S100A8: variants seen among roughly 807,000 people sequenced by gnomAD.
The protein encoded by S100A8 is S100 calcium binding protein A8.
In S100A8, 1 loss-of-function variant was observed where a neutral mutation model predicts 4.2. The ratio of observed to expected loss-of-function variants is 0.24; its 90% CI spans 0.08 to 1.12. The LOEUF (loss-of-function observed/expected upper bound fraction) is 1.12, where lower values mean the gene tolerates loss of function less well. Among genes scored for constraint, S100A8 ranks in the 50% most tolerant of loss-of-function variants. S100A8 has a pLI of 0.53. For synonymous variants in S100A8, 41 were observed against 44.7 expected, an observed-to-expected ratio of 0.92 and a Z score of 0.33; for missense variants, 96 against 111.8, an observed-to-expected ratio of 0.86 and a Z score of 0.64.
chr1:153,394,305 C>T (rs1383017802), upstream of S100A8, among the ~76,000 whole-genome samples: 2 of 152,142 alleles, frequency 1.3e-5, no homozygotes, highest in East Asian at 1.9e-4. Context: ...GCCCCTGCTT[C>T]GTACTCAATG....
At chr1:153,400,608 G>A in the S100A8 span, among the ~76,000 whole-genome samples, 20 of 152,290 alleles carry the variant, frequency 1.3e-4, no homozygotes, top group African/African-American at 3.9e-4. Context: ...TGCTGGGTGA[G>A]CCTTCATCTA....
upstream of S100A8, among the ~76,000 whole-genome samples, chr1:153,395,955 G>T (rs372257463): frequency 6.6e-6 from 1 of 152,338 alleles, no homozygotes; most frequent in Middle Eastern, 3.4e-3. Context: ...GGATGCTGTC[G>T]GAGCGGCATG....
chr1:153,421,533 T>A, the S100A8 span: 2 of 152,248 alleles, frequency 1.3e-5, no homozygotes, highest in African/African-American at 4.8e-5. Context: ...CTACTTTATG[T>A]AAACAGCAGT....
At chr1:153,408,311 C>T in the S100A8 span, among the ~76,000 whole-genome samples, 8 of 152,076 alleles carry the variant, frequency 5.3e-5, no homozygotes, top group South Asian at 2.1e-4. Flanking sequence ...AACCATGGCA[C>T]GAGAACTACA....
the S100A8 span, chr1:153,420,595 G>A: frequency 6.6e-6 from 1 of 152,268 alleles, no homozygotes; most frequent in African/African-American, 2.4e-5. Context: ...TCTATTCACA[G>A]ACCAGCATCT....
chr1:153,404,420 A>T, the S100A8 span, among the ~76,000 whole-genome samples: 37 of 152,188 alleles, frequency 2.4e-4, no homozygotes, highest in Admixed American at 1.0e-3. Context: ...GTCCACCAAG[A>T]GTCACCTCAT....
At chr1:153,404,823 G>A in the S100A8 span, among the ~76,000 whole-genome samples, 1 of 152,010 alleles carries the variant, frequency 6.6e-6, no homozygotes, top group African/African-American at 2.4e-5. Flanking sequence ...ATTGGTGCCC[G>A]ACGTGGGACT....
At chr1:153,413,528 G>A in the S100A8 span, among the ~76,000 whole-genome samples, 198 of 152,326 alleles carry the variant, frequency 1.3e-3, 1 homozygote, top group African/African-American at 4.4e-3. Context: ...ACTGCCAAGT[G>A]ATATAAATTT....
chr1:153,393,867 T>C (rs1440048724), upstream of S100A8, among the ~76,000 whole-genome samples: 2 of 152,184 alleles, frequency 1.3e-5, no homozygotes, highest in Non-Finnish European at 2.9e-5. Context: ...CACAGGGCAT[T>C]ACTTCAGGTC....
intron 2 of S100A8, 52 bp from the exon 3 acceptor site, chr1:153,390,295 C>G (rs763499598): frequency 6.2e-7 from 1 of 1,601,722 alleles, no homozygotes; most frequent in Non-Finnish European, 8.5e-7. Context: ...CAGAGAGAGC[C>G]GAGGCATAGC....
the S100A8 span, among the ~76,000 whole-genome samples, chr1:153,414,820 A>G: frequency 6.6e-6 from 1 of 152,376 alleles, no homozygotes; most frequent in South Asian, 2.1e-4. Flanking sequence ...ACACATGTAT[A>G]TGAACACATT....
chr1:153,406,694 C>T, the S100A8 span, among the ~76,000 whole-genome samples: 1 of 152,154 alleles, frequency 6.6e-6, no homozygotes, highest in African/African-American at 2.4e-5. Context: ...AGGCGAGCTC[C>T]CCAAAACGAT....
At chr1:153,404,828 G>T in the S100A8 span, among the ~76,000 whole-genome samples, 1 of 151,964 alleles carries the variant, frequency 6.6e-6, no homozygotes, top group East Asian at 1.9e-4. Flanking sequence ...TGCCCGACGT[G>T]GGACTCACAA....
chr1:153,413,151 C>T, the S100A8 span, among the ~76,000 whole-genome samples: 15 of 151,918 alleles, frequency 9.9e-5, no homozygotes, highest in Non-Finnish European at 1.0e-4. Context: ...TTTGTAAAAA[C>T]GTTAATTATC....
At chr1:153,415,827 G>A in the S100A8 span, among the ~76,000 whole-genome samples, 1 of 152,182 alleles carries the variant, frequency 6.6e-6, no homozygotes, top group African/African-American at 2.4e-5. Flanking sequence ...TAGCAATGAA[G>A]TAATCCTGCT....
chr1:153,397,044 T>A, the S100A8 span, among the ~76,000 whole-genome samples: 1 of 152,264 alleles, frequency 6.6e-6, no homozygotes, highest in Non-Finnish European at 1.5e-5. Flanking sequence ...TGGTTTACTG[T>A]CTGCAGTGCC....
chr1:153,414,170 A>G, the S100A8 span, among the ~76,000 whole-genome samples: 1 of 152,234 alleles, frequency 6.6e-6, no homozygotes, highest in African/African-American at 2.4e-5. Flanking sequence ...AGATGGTAGC[A>G]TAAGAGGAAA....
the S100A8 span, among the ~76,000 whole-genome samples, chr1:153,414,142 T>C: frequency 6.6e-6 from 1 of 152,142 alleles, no homozygotes; most frequent in Non-Finnish European, 1.5e-5. Flanking sequence ...ATGCAAAACA[T>C]AATATTACAA....
upstream of S100A8, among the ~76,000 whole-genome samples, chr1:153,395,929 C>T (rs1180481958): frequency 1.3e-5 from 2 of 152,256 alleles, no homozygotes; most frequent in Non-Finnish European, 2.9e-5. Flanking sequence ...ATTCTTGGGG[C>T]TCTCTTTCAG....
Sources: gnomAD v4.1 joint callset for allele counts (sites outside exome capture counted in the v4.1 genomes callset) on GRCh38, gnomAD v4.1.1 for gene constraint, MANE v1.5 for transcripts, NCBI Gene and HGNC (gene_info 2026-07-23, HGNC 2026-07-21) for gene names.